The following ZNF451 variants were observed in gnomAD, a reference collection of about 807,000 sequenced individuals.
ZNF451 encodes E3 SUMO-protein ligase ZNF451.
In ZNF451, 80 loss-of-function variants were observed where a neutral mutation model predicts 107.1. The observed-to-expected ratio is 0.75, with a 90% CI of 0.62 to 0.90. ZNF451 has a LOEUF of 0.90. Ranked by LOEUF, ZNF451 falls within the 40% of genes least tolerant of loss-of-function variation. The pLI, the probability that ZNF451 is intolerant of heterozygous loss-of-function variation, is 0.00. For synonymous variants in ZNF451, 362 were observed against 406.5 expected, an observed-to-expected ratio of 0.89 and a Z score of 1.32; for missense variants, 1,107 against 1,236.2, an observed-to-expected ratio of 0.90 and a Z score of 1.57.
At chr6:57,107,159 T>A (rs1368494966) in intron 3 of ZNF451, 1 of 985,306 alleles carries the variant, frequency 1.0e-6, no homozygotes, top group African/African-American at 1.7e-5. Flanking sequence ...AGTCCAACCA[T>A]GTCCTTTTGA....
intron 3 of ZNF451, among the ~76,000 whole-genome samples, chr6:57,099,849 A>G (rs1391209403): frequency 6.6e-6 from 1 of 152,200 alleles, no homozygotes; most frequent in Non-Finnish European, 1.5e-5. Context: ...AGTGGCCACA[A>G]ACTTCTTGCT....
At chr6:57,100,344 T>C (rs1459529518) in intron 3 of ZNF451, among the ~76,000 whole-genome samples, 2 of 152,194 alleles carry the variant, frequency 1.3e-5, no homozygotes, top group African/African-American at 4.8e-5. Context: ...AGCTTGTTTT[T>C]ACTCTCTCCT....
intron 3 of ZNF451, chr6:57,103,751 G>A: frequency 1.0e-6 from 1 of 985,276 alleles, no homozygotes. Context: ...CTGTTTTACG[G>A]TTTATGTGGC....
chr6:57,164,303 C>T (rs1333759567), intron 14 of ZNF451, among the ~76,000 whole-genome samples: 1 of 152,226 alleles, frequency 6.6e-6, no homozygotes, highest in Non-Finnish European at 1.5e-5. Flanking sequence ...TGTGCTTCAG[C>T]TTCCTCCTCT....
At chr6:57,167,916 T>C (rs1763966177) in intron 14 of ZNF451, among the ~76,000 whole-genome samples, 1 of 152,252 alleles carries the variant, frequency 6.6e-6, no homozygotes, top group Admixed American at 6.5e-5. Context: ...AGATGACATT[T>C]ATGTGGCTAT....
intron 3 of ZNF451, chr6:57,105,593 C>T (rs2127944231): frequency 1.0e-6 from 1 of 985,254 alleles, no homozygotes; most frequent in Non-Finnish European, 1.2e-6. Context: ...TAGAGTATAC[C>T]TCCCTCCCCC....
intron 3 of ZNF451, chr6:57,117,002 A>G (rs1265313624): frequency 1.3e-5 from 2 of 152,124 alleles, no homozygotes; most frequent in African/African-American, 2.4e-5. Context: ...AGTCAATTCT[A>G]AGATGCCTTT....
intron 13 of ZNF451, chr6:57,159,534 T>G (rs1294292813): frequency 2.7e-6 from 1 of 366,500 alleles, no homozygotes; most frequent in Non-Finnish European, 3.8e-6. Flanking sequence ...AGTTTTTTTT[T>G]TTTTTTTTTT....
chr6:57,133,784 C>T (rs1178254850), intron 6 of ZNF451, among the ~76,000 whole-genome samples: 1 of 152,084 alleles, frequency 6.6e-6, no homozygotes, highest in Non-Finnish European at 1.5e-5. Flanking sequence ...CTCCCATCCT[C>T]CCATCTCAGC....
rs1255419094 is a variant in ZNF451, at chr6:57,170,194, TA to T, written c.*1729del. On this transcript the variant is annotated 3_prime_UTR_variant, in exon 15 of 15. Coordinates refer to ENST00000370706, the MANE Select transcript of ZNF451 (RefSeq NM_001031623.3). ...CTTGTTAAATAATTAAAAATCATCT[TA>T]AAATTCATACTTTGACTTTAATTTA... The T allele has an allele frequency of 1.3e-5, 2 of 152,238 alleles. No individual in the cohort carries two copies. The highest frequency in any genetic ancestry group is 2.9e-5 in the Non-Finnish European group (2 of 68,038). 9.4% of individuals were successfully genotyped at this position (152,238 alleles called of 1,614,324 possible). A position where few individuals can be genotyped will look rare whatever the true frequency, so the allele number is the denominator to read the frequency against.
intron 3 of ZNF451, among the ~76,000 whole-genome samples, chr6:57,122,535 A>G (rs1256849233): frequency 3.3e-5 from 5 of 152,236 alleles, no homozygotes; most frequent in Non-Finnish European, 7.3e-5. Context: ...AACAAGGAAA[A>G]AAACCAATTC....
intron 3 of ZNF451, among the ~76,000 whole-genome samples, chr6:57,121,367 G>C (rs1177840390): frequency 1.3e-5 from 2 of 151,926 alleles, no homozygotes; most frequent in Non-Finnish European, 2.9e-5. Flanking sequence ...TAGTTTTTTT[G>C]CCTCTCCATA....
chr6:57,160,078 G>T (rs1232112060), intron 13 of ZNF451, among the ~76,000 whole-genome samples: 1 of 152,006 alleles, frequency 6.6e-6, no homozygotes, highest in Non-Finnish European at 1.5e-5. Flanking sequence ...TTTTTTAAAG[G>T]TGAACTTTAT....
chr6:57,131,704 T>C, intron 5 of ZNF451, among the ~76,000 whole-genome samples: 1 of 152,122 alleles, frequency 6.6e-6, no homozygotes, highest in East Asian at 1.9e-4. Flanking sequence ...AATCATATTG[T>C]CTTAAGGGAA....
chr6:57,109,641 C>T (rs895217797), intron 3 of ZNF451: 3 of 985,042 alleles, frequency 3.0e-6, no homozygotes, highest in African/African-American at 3.5e-5. Flanking sequence ...GATCATGTTC[C>T]CCTTTATGAT....
intron 2 of ZNF451, among the ~76,000 whole-genome samples, chr6:57,097,888 G>T (rs1338521708): frequency 6.6e-6 from 1 of 151,090 alleles, no homozygotes; most frequent in African/African-American, 2.4e-5. Context: ...AGTCACCTGA[G>T]GTTAAAAACT....
At chr6:57,155,852 T>G (rs1180070793) in intron 13 of ZNF451, among the ~76,000 whole-genome samples, 1 of 145,884 alleles carries the variant, frequency 6.9e-6, no homozygotes, top group African/African-American at 2.5e-5. Flanking sequence ...TCACTCATAC[T>G]CAGTACTCAT....
At chr6:57,123,294 G>C (rs980799556) in intron 3 of ZNF451, among the ~76,000 whole-genome samples, 5 of 152,166 alleles carry the variant, frequency 3.3e-5, no homozygotes, top group African/African-American at 1.2e-4. Context: ...AGAAAATGTG[G>C]TATATGTACA....
intron 4 of ZNF451, among the ~76,000 whole-genome samples, chr6:57,127,755 T>C (rs1360211727): frequency 6.6e-6 from 1 of 152,222 alleles, no homozygotes; most frequent in Non-Finnish European, 1.5e-5. Context: ...CTAAAGTCTT[T>C]TTAAAACTGC....
Sources: gnomAD v4.1 joint callset for allele counts (sites outside exome capture counted in the v4.1 genomes callset) on GRCh38, gnomAD v4.1.1 for gene constraint, MANE v1.5 for transcripts, NCBI Gene and HGNC (gene_info 2026-07-23, HGNC 2026-07-21) for gene names.